The following LINGO2 variants were observed in gnomAD, a reference collection of about 807,000 sequenced individuals.
LINGO2 encodes leucine rich repeat and Ig domain containing 2, also known as leucine-rich repeat and immunoglobulin-like domain-containing nogo receptor-interacting protein 2.
In LINGO2, 14 loss-of-function variants were observed where a neutral mutation model predicts 30.6. The ratio of observed to expected loss-of-function variants is 0.46; its 90% CI spans 0.30 to 0.72. LINGO2 has a LOEUF of 0.72. LINGO2 is among the 30% of genes least tolerant of loss of function. The pLI, the probability that LINGO2 is intolerant of heterozygous loss-of-function variation, is 0.07. For synonymous variants in LINGO2, 317 were observed against 288.5 expected (o/e 1.10, Z -1.00); for missense variants, 729 against 751.7 (o/e 0.97, Z 0.35).
chr9:29,150,869 A>G, the LINGO2 span, among the ~76,000 whole-genome samples: 1 of 152,190 alleles, frequency 6.6e-6, no homozygotes, highest in African/African-American at 2.4e-5. Context: ...CTCTCCCTAG[A>G]GAGGTTGACA....
chr9:29,030,629 C>T, the LINGO2 span, among the ~76,000 whole-genome samples: 12 of 152,206 alleles, frequency 7.9e-5, no homozygotes, highest in East Asian at 2.3e-3. Flanking sequence ...TGATGAGATT[C>T]TTCTCATTCC....
chr9:28,784,129 A>G, the LINGO2 span, among the ~76,000 whole-genome samples: 1 of 152,242 alleles, frequency 6.6e-6, no homozygotes, highest in African/African-American at 2.4e-5. Context: ...TTGTTTTTTA[A>G]AAAATCAATG....
intron 4 of LINGO2, among the ~76,000 whole-genome samples, chr9:28,031,524 G>C (rs1454361717): frequency 6.6e-6 from 1 of 152,150 alleles, no homozygotes; most frequent in African/African-American, 2.4e-5. Flanking sequence ...GCATCAGATT[G>C]CTTTAGTAGG....
chr9:29,012,974 TC>T, the LINGO2 span, among the ~76,000 whole-genome samples: 1 of 152,198 alleles, frequency 6.6e-6, no homozygotes, highest in Admixed American at 6.5e-5. Context: ...TAGTTCATCT[TC>T]TTGCTTCCCA....
chr9:28,331,650 C>A (rs1342815965), intron 3 of LINGO2, among the ~76,000 whole-genome samples: 2 of 152,084 alleles, frequency 1.3e-5, no homozygotes, highest in East Asian at 3.9e-4. Context: ...GGACTACAGG[C>A]ACACGCCACC....
Position 28,450,607 on chromosome 9 carries a change from A to G in LINGO2, c.-279+25333T>C, listed in dbSNP as rs541372785. ...TAAACACTGAAGTATGATCAGTCAC[A>G]TTGGAATTAAACATTTCTCTACCTA... On this transcript the variant is annotated intron_variant, in intron 2 of 5. Coordinates refer to ENST00000379992, the Ensembl canonical transcript of LINGO2. Among the ~76,000 whole-genome samples, 35 of 152,166 alleles carry G rather than the reference A, an allele frequency of 2.3e-4. 1 individual carries two copies. The highest frequency in any genetic ancestry group is 3.4e-3 in the Middle Eastern group (1 of 294).
At chr9:28,759,614 G>A in the LINGO2 span, among the ~76,000 whole-genome samples, 48 of 151,790 alleles carry the variant, frequency 3.2e-4, no homozygotes, top group Non-Finnish European at 5.4e-4. Context: ...CCCGGGAGGC[G>A]GAGCTTGCAG....
At chr9:28,088,821 T>G (rs925388784) in intron 4 of LINGO2, among the ~76,000 whole-genome samples, 4 of 151,966 alleles carry the variant, frequency 2.6e-5, no homozygotes, top group African/African-American at 4.8e-5. Flanking sequence ...AGGAGACCCA[T>G]CTCATGTGCA....
At chr9:28,679,647 T>A in the LINGO2 span, among the ~76,000 whole-genome samples, 1 of 152,128 alleles carries the variant, frequency 6.6e-6, no homozygotes, top group African/African-American at 2.4e-5. Flanking sequence ...ATACAAATAA[T>A]AGTAATAAAG....
the LINGO2 span, among the ~76,000 whole-genome samples, chr9:29,147,872 A>C: frequency 6.6e-6 from 1 of 152,094 alleles, no homozygotes; most frequent in Non-Finnish European, 1.5e-5. Flanking sequence ...TCCAGTAAAC[A>C]AAATAAGGTA....
intron 4 of LINGO2, chr9:28,149,122 C>T (rs1324999266): frequency 4.6e-6 from 7 of 1,509,994 alleles, no homozygotes; most frequent in African/African-American, 2.8e-5. Context: ...AGCAGGGCAA[C>T]ATGTGTAAGA....
chr9:28,071,577 C>T (rs753505218), intron 4 of LINGO2, among the ~76,000 whole-genome samples: 16 of 151,138 alleles, frequency 1.1e-4, no homozygotes, highest in South Asian at 6.3e-4. Flanking sequence ...TATAATCATA[C>T]GAGATAATTT....
the LINGO2 span, among the ~76,000 whole-genome samples, chr9:29,211,760 C>A: frequency 6.6e-6 from 1 of 152,148 alleles, no homozygotes. Context: ...TCCCTGGAGT[C>A]TTGCACTCCA....
intron 4 of LINGO2, among the ~76,000 whole-genome samples, chr9:28,208,229 T>A (rs966822384): frequency 3.3e-5 from 5 of 152,084 alleles, no homozygotes; most frequent in African/African-American, 1.2e-4. Context: ...CGTTTTGATT[T>A]AAAAATCACC....
At chr9:28,055,610 T>C (rs1435702606) in intron 4 of LINGO2, among the ~76,000 whole-genome samples, 4 of 152,268 alleles carry the variant, frequency 2.6e-5, no homozygotes, top group Admixed American at 2.6e-4. Flanking sequence ...GTTTTCTCTC[T>C]ATCATAGGCT....
intron 4 of LINGO2, among the ~76,000 whole-genome samples, chr9:28,032,040 G>GATGAGGGGT (rs3064704): frequency 7.2e-6 from 1 of 139,554 alleles, no homozygotes; most frequent in Non-Finnish European, 1.5e-5. Flanking sequence ...AAAATGAGGG[G>GATGAGGGGT]TGGGGGGGGA....
intron 4 of LINGO2, among the ~76,000 whole-genome samples, chr9:28,247,422 A>G (rs1375276352): frequency 6.6e-6 from 1 of 152,230 alleles, no homozygotes; most frequent in African/African-American, 2.4e-5. Flanking sequence ...TGCAGCCACA[A>G]AAAGGAATGA....
the LINGO2 span, among the ~76,000 whole-genome samples, chr9:28,790,397 C>A: frequency 7.2e-6 from 1 of 139,028 alleles, no homozygotes; most frequent in Non-Finnish European, 1.5e-5. Flanking sequence ...CGTGCGATCT[C>A]GGCTCACTGA....
intron 1 of LINGO2, among the ~76,000 whole-genome samples, chr9:28,546,872 G>A (rs74878596): frequency 1.3e-5 from 2 of 152,138 alleles, no homozygotes; most frequent in African/African-American, 2.4e-5. Context: ...TTAAATTAGA[G>A]AAGTAGAATG....
Sources: gnomAD v4.1 joint callset for allele counts (sites outside exome capture counted in the v4.1 genomes callset) on GRCh38, gnomAD v4.1.1 for gene constraint, MANE v1.5 for transcripts, NCBI Gene and HGNC (gene_info 2026-07-23, HGNC 2026-07-21) for gene names.